The following SYT9 variants were observed in gnomAD, a reference collection of about 807,000 sequenced individuals.
The protein encoded by SYT9 is synaptotagmin-9.
Under a neutral mutation model 48.4 loss-of-function variants are expected in SYT9, and 22 were observed. The observed-to-expected ratio is 0.45, with a 90% CI of 0.32 to 0.65. The LOEUF is 0.65. Among genes scored for constraint, SYT9 ranks in the 30% least tolerant of loss-of-function variants. SYT9 has a pLI of 0.03. For missense variants in SYT9, 577 were observed against 622.0 expected, an observed-to-expected ratio of 0.93 and a Z score of 0.77; for synonymous variants, 265 against 245.0, an observed-to-expected ratio of 1.08 and a Z score of -0.76.
intron 3 of SYT9, among the ~76,000 whole-genome samples, chr11:7,413,997 T>C (rs1847190304): frequency 2.0e-5 from 3 of 152,212 alleles, no homozygotes; most frequent in Admixed American, 2.0e-4. Flanking sequence ...TTTTAACTTA[T>C]GAGCAAATAG....
At chr11:7,419,186 A>G (rs975607460) in intron 5 of SYT9, among the ~76,000 whole-genome samples, 3 of 152,252 alleles carry the variant, frequency 2.0e-5, no homozygotes, top group Non-Finnish European at 2.9e-5. Context: ...TTGCCCACCA[A>G]CTGTGGAAGC....
At chr11:7,455,061 A>G (rs1335721957) in intron 6 of SYT9, among the ~76,000 whole-genome samples, 2 of 152,224 alleles carry the variant, frequency 1.3e-5, no homozygotes, top group Non-Finnish European at 2.9e-5. Context: ...AAAAGCTAAT[A>G]GTTGGAATAG....
chr11:7,426,867 T>C (rs1164602053), intron 6 of SYT9, among the ~76,000 whole-genome samples: 1 of 152,158 alleles, frequency 6.6e-6, no homozygotes, highest in East Asian at 1.9e-4. Context: ...TGGATCCCCT[T>C]TTTCTCAATA....
chr11:7,258,791 G>A (rs1848024951), intron 1 of SYT9, among the ~76,000 whole-genome samples: 1 of 152,040 alleles, frequency 6.6e-6, no homozygotes, highest in South Asian at 2.1e-4. Context: ...ACCTGCCCAT[G>A]TTTCCTTTCA....
At chr11:7,260,713 C>T (rs1012806528) in intron 1 of SYT9, among the ~76,000 whole-genome samples, 1 of 152,134 alleles carries the variant, frequency 6.6e-6, no homozygotes, top group African/African-American at 2.4e-5. Flanking sequence ...AAGGTAAGGT[C>T]CTAACAGATT....
At chr11:7,397,613 A>T (rs7108075) in intron 3 of SYT9, among the ~76,000 whole-genome samples, 1 of 151,958 alleles carries the variant, frequency 6.6e-6, no homozygotes, top group Non-Finnish European at 1.5e-5. Flanking sequence ...ATGGGAATGA[A>T]TTGATATCTT....
chr11:7,395,575 C>G (rs907903580), intron 3 of SYT9, among the ~76,000 whole-genome samples: 1 of 151,650 alleles, frequency 6.6e-6, no homozygotes, highest in African/African-American at 2.4e-5. Context: ...TTGAATTGAA[C>G]CCTTTATCAT....
chr11:7,381,658 G>A (rs1171087292), intron 3 of SYT9, among the ~76,000 whole-genome samples: 3 of 152,186 alleles, frequency 2.0e-5, no homozygotes, highest in Non-Finnish European at 4.4e-5. Context: ...TGTTTGGGAC[G>A]TGTTTTGAAA....
At chr11:7,281,729 A>T (rs887126065) in intron 1 of SYT9, among the ~76,000 whole-genome samples, 4 of 152,254 alleles carry the variant, frequency 2.6e-5, no homozygotes, top group African/African-American at 9.6e-5. Flanking sequence ...TTCTTATTAA[A>T]AACAGACAGT....
intron 3 of SYT9, among the ~76,000 whole-genome samples, chr11:7,346,380 C>T (rs767394831): frequency 6.6e-6 from 1 of 152,146 alleles, no homozygotes; most frequent in Non-Finnish European, 1.5e-5. Context: ...TCGGATGGCA[C>T]GAATGGATGG....
chr11:7,444,523 C>T (rs770974181), intron 6 of SYT9: 2 of 152,136 alleles, frequency 1.3e-5, no homozygotes, highest in African/African-American at 2.4e-5. Context: ...CACACTTAAC[C>T]ATCAATTAAA....
chr11:7,299,674 T>C (rs1291855214), intron 1 of SYT9, among the ~76,000 whole-genome samples: 1 of 152,212 alleles, frequency 6.6e-6, no homozygotes, highest in Non-Finnish European at 1.5e-5. Flanking sequence ...CATCACTTAC[T>C]GAATGCCTAT....
chr11:7,459,110 A>G (rs1324671179), intron 6 of SYT9, among the ~76,000 whole-genome samples: 1 of 152,210 alleles, frequency 6.6e-6, no homozygotes, highest in Non-Finnish European at 1.5e-5. Flanking sequence ...GGTATGAGAG[A>G]GAAAAGTAAA....
At chr11:7,309,799 G>A (rs1564856611) in intron 2 of SYT9, among the ~76,000 whole-genome samples, 1 of 152,164 alleles carries the variant, frequency 6.6e-6, no homozygotes, top group Non-Finnish European at 1.5e-5. Context: ...AGGTTATACA[G>A]GGAGGTTATG....
upstream of SYT9, among the ~76,000 whole-genome samples, chr11:7,251,779 G>A (rs1405661249): frequency 6.6e-6 from 1 of 152,148 alleles, no homozygotes; most frequent in Non-Finnish European, 1.5e-5. Flanking sequence ...CGCTCGGCCA[G>A]GAGCCGGGGA....
intron 3 of SYT9, among the ~76,000 whole-genome samples, chr11:7,316,103 G>A (rs1589939474): frequency 6.6e-6 from 1 of 150,820 alleles, no homozygotes; most frequent in African/African-American, 2.4e-5. Flanking sequence ...ATAAAGAGCT[G>A]AGATTTGCCA....
At chr11:7,424,006 G>A (rs1199889563) in intron 6 of SYT9, among the ~76,000 whole-genome samples, 1 of 152,182 alleles carries the variant, frequency 6.6e-6, no homozygotes, top group Non-Finnish European at 1.5e-5. Context: ...GAGAGAGGGA[G>A]AGAGAACGAA....
intron 3 of SYT9, among the ~76,000 whole-genome samples, chr11:7,359,802 G>T (rs1206249673): frequency 6.7e-6 from 1 of 150,104 alleles, no homozygotes; most frequent in Non-Finnish European, 1.5e-5. Context: ...TTTGTAGGTT[G>T]CCTGTTCACT....
At chr11:7,371,187 T>G (rs1227777571) in intron 3 of SYT9, among the ~76,000 whole-genome samples, 1 of 152,162 alleles carries the variant, frequency 6.6e-6, no homozygotes, top group Non-Finnish European at 1.5e-5. Context: ...ATTGGTTGTT[T>G]CATTCATTTG....
Sources: allele counts gnomAD v4.1 joint callset (sites outside exome capture counted in the v4.1 genomes callset), GRCh38; gene constraint gnomAD v4.1.1; transcripts MANE v1.5; gene names NCBI Gene and HGNC (gene_info 2026-07-23, HGNC 2026-07-21).